Variants in MAX observed in about 807,000 individuals in gnomAD.
The protein encoded by MAX is protein max.
In MAX, 3 loss-of-function variants were observed where a neutral mutation model predicts 22.3. The ratio of observed to expected loss-of-function variants is 0.13; its 90% CI spans 0.06 to 0.35. MAX has a LOEUF of 0.35. Ranked by LOEUF, MAX falls within the 10% of genes least tolerant of loss-of-function variation. The pLI, the probability that MAX is intolerant of heterozygous loss-of-function variation, is 1.00. For synonymous variants in MAX, 72 were observed against 77.7 expected (o/e 0.93, Z 0.39); for missense variants, 119 against 209.4 (o/e 0.57, Z 2.66).
intron 3 of MAX, among the ~76,000 whole-genome samples, chr14:65,086,002 T>G (rs1230270772): frequency 6.6e-6 from 1 of 152,198 alleles, no homozygotes; most frequent in Admixed American, 6.5e-5. Context: ...TCATGGGGGT[T>G]GGTCTTTCCC....
chr14:65,096,522 A>G (rs1271596442), intron 2 of MAX, among the ~76,000 whole-genome samples: 1 of 152,108 alleles, frequency 6.6e-6, no homozygotes, highest in African/African-American at 2.4e-5. Flanking sequence ...GACCAATAAC[A>G]CTGCCCGCGC....
rs192403921 is a variant in MAX, at chr14:65,044,768, G to T, written c.172-38484C>A. 2.0e-5 allele frequency: 6 copies of T among 301,976 alleles called. No individual in the cohort carries two copies. Among genetic ancestry groups the T allele is most frequent in the African/African-American group, 8.9e-5 (4 of 44,842 alleles). The allele number at this position is 301,976 out of a possible 1,614,324, so 18.7% of individuals were successfully genotyped here. A position where few individuals can be genotyped will look rare whatever the true frequency, so the allele number is the denominator to read the frequency against. ...GCCCACTCCTGTCCTGGGCTCTGTGGTGATTGCCACCTCCTCTGGGTGCAG... is the reference window on the plus strand; with the variant it reads ...GCCCACTCCTGTCCTGGGCTCTGTGTTGATTGCCACCTCCTCTGGGTGCAG... On this transcript the variant is annotated intron_variant, in intron 3 of 3. Coordinates refer to the MAX transcript ENST00000341653. This position sits in a 1 kb window ranked among gnomAD's most constrained non-coding sequence, Gnocchi z 5.5.
intron 3 of MAX, among the ~76,000 whole-genome samples, chr14:65,037,402 C>CTTTTTTTTTTTTT (rs765037575): frequency 2.8e-3 from 41 of 14,530 alleles, no homozygotes; most frequent in Non-Finnish European, 4.6e-3. Context: ...CACGCCGGGC[C>CTTTTTTTTTTTTT]CTTTTTTTTT....
Position 65,093,469 on chromosome 14 carries a change from A to G in MAX, c.171+239T>C, listed in dbSNP as rs2063573080. The G allele has an allele frequency of 1.9e-6, 1 of 533,426 alleles. No homozygotes were observed. Among genetic ancestry groups the G allele is most frequent in the African/African-American group, 1.9e-5 (1 of 52,416 alleles). The allele number at this position is 533,426 out of a possible 1,614,324, so 33.0% of individuals were successfully genotyped here. A position where few individuals can be genotyped will look rare whatever the true frequency, so the allele number is the denominator to read the frequency against. ...ATTTATTACAAATAATACAAATTTTAAAAGATAACTCCTACCATTATCTCA... is the reference window on the plus strand; with the variant it reads ...ATTTATTACAAATAATACAAATTTTGAAAGATAACTCCTACCATTATCTCA... On this transcript the variant is annotated intron_variant, in intron 3 of 4. Coordinates refer to ENST00000358664, the MANE Select transcript of MAX (RefSeq NM_002382.5). This position sits in a 1 kb window ranked among gnomAD's most constrained non-coding sequence, Gnocchi z 4.4.
At chr14:65,056,198 C>T (rs1483861390) in intron 3 of MAX, among the ~76,000 whole-genome samples, 1 of 152,096 alleles carries the variant, frequency 6.6e-6, no homozygotes, top group African/African-American at 2.4e-5. Flanking sequence ...TTCCACTTGC[C>T]ATTGTATTTT....
intron 3 of MAX, among the ~76,000 whole-genome samples, chr14:65,086,824 C>A (rs1354988768): frequency 6.6e-6 from 1 of 152,200 alleles, no homozygotes; most frequent in East Asian, 1.9e-4. Flanking sequence ...GAATGTTAAT[C>A]CCCAAGACAA....
chr14:65,016,275 A>G (rs1320490855), intron 3 of MAX, among the ~76,000 whole-genome samples: 1 of 152,200 alleles, frequency 6.6e-6, no homozygotes, highest in African/African-American at 2.4e-5. Flanking sequence ...CTTCTTCCCA[A>G]GATCCTTGTA....
In MAX at chr14:65,023,648, G is replaced by A. The variant is rs1041018508; in HGVS notation, c.172-17364C>T. On this transcript the variant is annotated intron_variant, in intron 3 of 3. Coordinates refer to the MAX transcript ENST00000341653. The surrounding 1 kb of genome is among the most constrained non-coding windows in gnomAD (Gnocchi z 4.1). ...GTGGAGTACTTGAAATGTGTCTTGT[G>A]TGACTGAAGAGCTGAATTTTCTATT... Among the ~76,000 whole-genome samples, 2 of 152,286 alleles carry A rather than the reference G, an allele frequency of 1.3e-5. No individual in the cohort carries two copies. Among genetic ancestry groups the A allele is most frequent in the African/African-American group, 2.4e-5 (1 of 41,554 alleles).
In MAX at chr14:65,007,127, A is replaced by G. The variant is rs1258013577; in HGVS notation, c.172-843T>C. On this transcript the variant is annotated intron_variant, in intron 3 of 3. Coordinates refer to the MAX transcript ENST00000341653. This position sits in a 1 kb window ranked among gnomAD's most constrained non-coding sequence, Gnocchi z 4.9. ...ACATTTTGGCTGAATGGCTGAGTATATAATTCAACATATCAATATAAGGCT... is the reference window on the plus strand; with the variant it reads ...ACATTTTGGCTGAATGGCTGAGTATGTAATTCAACATATCAATATAAGGCT... Among the ~76,000 whole-genome samples the G allele has an allele frequency of 2.6e-5, 4 of 152,264 alleles. No homozygotes were observed. The highest frequency in any genetic ancestry group is 6.5e-5 in the Admixed American group (1 of 15,290).
chr14:65,068,050 G>T (rs189083685), intron 3 of MAX, among the ~76,000 whole-genome samples: 1 of 152,124 alleles, frequency 6.6e-6, no homozygotes, highest in East Asian at 1.9e-4. Context: ...ACCCTTCATC[G>T]CCTGGCTGAG....
At chr14:65,015,738 C>A (rs1229564673) in intron 3 of MAX, 1 of 1,607,430 alleles carries the variant, frequency 6.2e-7, no homozygotes, top group African/African-American at 1.3e-5. Flanking sequence ...TTTGGGAAAT[C>A]TGGGGTGTTC....
chr14:65,037,403 C>CTTTTTTTTTTT lies in MAX; in HGVS notation c.172-31130_172-31120dup. ...TAGGCGTGAGCCACCACGCCGGGCC[C>CTTTTTTTTTTT]TTTTTTTTTTTTTTTTTTTTTTTTT... On this transcript the variant is annotated intron_variant, in intron 3 of 3. Transcript: ENST00000341653. Among the ~76,000 whole-genome samples, 110 of 29,690 alleles carry CTTTTTTTTTTT rather than the reference C, an allele frequency of 3.7e-3. 17 individuals carry two copies. The highest frequency in any genetic ancestry group is 6.1e-3 in the Non-Finnish European group (83 of 13,702). 19.5% of individuals were successfully genotyped at this position (29,690 alleles called of 152,430 possible).
chr14:65,008,616 A>G (rs993672179), intron 3 of MAX, among the ~76,000 whole-genome samples: 1 of 152,248 alleles, frequency 6.6e-6, no homozygotes, highest in African/African-American at 2.4e-5. Flanking sequence ...TGTAGGTGGA[A>G]TAGGGGTGGC....
At chr14:65,017,572 A>G (rs911862317) in intron 3 of MAX, among the ~76,000 whole-genome samples, 1 of 152,210 alleles carries the variant, frequency 6.6e-6, no homozygotes, top group Non-Finnish European at 1.5e-5. Context: ...GGGCAATGTC[A>G]CATAGGAAGA....
chr14:65,028,816 T>G lies in MAX; in HGVS notation c.172-22532A>C, dbSNP rs1235607444. ...TCTTAAGGAAAATGTTAAAAGAGTT[T>G]TTTTCCCTCGTGTTCACTACATTTT... is the stretch of plus-strand genomic sequence containing the variant. On this transcript the variant is annotated intron_variant, in intron 3 of 3. Coordinates refer to the MAX transcript ENST00000341653. The surrounding 1 kb of genome is among the most constrained non-coding windows in gnomAD (Gnocchi z 4.4). Among the ~76,000 whole-genome samples the G allele has an allele frequency of 6.6e-6, 1 of 152,182 alleles. No individual in the cohort carries two copies. The highest frequency in any genetic ancestry group is 2.4e-5 in the African/African-American group (1 of 41,448).
At position 65,027,761 on chromosome 14, in the gene MAX, C is replaced by T. The variant is rs375091250; in HGVS notation, c.172-21477G>A. ...CTGACGGCTCCTTTCTCATGCATGT[C>T]GGAGGTGAGGTGGATGTGAGGTGAG... On this transcript the variant is annotated intron_variant, in intron 3 of 3. Coordinates refer to the MAX transcript ENST00000341653. The surrounding 1 kb of genome is among the most constrained non-coding windows in gnomAD (Gnocchi z 5.7). 2.5e-5 allele frequency: 41 copies of T among 1,613,950 alleles called. No homozygotes were observed. The highest frequency in any genetic ancestry group is 3.3e-5 in the Admixed American group (2 of 59,976).
intron 3 of MAX, among the ~76,000 whole-genome samples, chr14:65,068,370 G>A (rs1352752889): frequency 6.6e-6 from 1 of 152,148 alleles, no homozygotes; most frequent in African/African-American, 2.4e-5. Flanking sequence ...GGGAGGCAGA[G>A]GTTGCAGTGA....
intron 3 of MAX, among the ~76,000 whole-genome samples, chr14:65,086,533 G>A (rs1459918622): frequency 2.6e-5 from 4 of 152,196 alleles, no homozygotes; most frequent in South Asian, 2.1e-4. Context: ...CTCCTGTTAC[G>A]TTTCAGCAAA....
In MAX at chr14:65,077,735, C is replaced by T; in HGVS notation, c.295+178G>A. 1 of 1,604,486 alleles carries T rather than the reference C, an allele frequency of 6.2e-7. No individual in the cohort carries two copies. Among genetic ancestry groups the T allele is most frequent in the Non-Finnish European group, 8.5e-7 (1 of 1,176,502 alleles). On this transcript the variant is annotated intron_variant, in intron 4 of 4. Coordinates refer to ENST00000358664, the MANE Select transcript of MAX (RefSeq NM_002382.5). The surrounding 1 kb of genome is among the most constrained non-coding windows in gnomAD (Gnocchi z 6.3). Reference sequence around the variant, plus strand: ...GCTTCCACTGTCTCCTCACTGGCGCCTCAGGTCCTTCCTCAGGACGGCTCT... The same window carrying T: ...GCTTCCACTGTCTCCTCACTGGCGCTTCAGGTCCTTCCTCAGGACGGCTCT...
Sources: allele counts gnomAD v4.1 joint callset (sites outside exome capture counted in the v4.1 genomes callset), GRCh38; gene constraint gnomAD v4.1.1; non-coding constraint Gnocchi (gnomAD v3.1); transcripts MANE v1.5; gene names NCBI Gene and HGNC (gene_info 2026-07-23, HGNC 2026-07-21).